DPP6: variants seen among roughly 807,000 people sequenced by gnomAD.
DPP6 encodes dipeptidyl peptidase like 6.
In DPP6, 69 loss-of-function variants were observed where a neutral mutation model predicts 122.6. The observed-to-expected ratio is 0.56, with a 90% confidence interval of 0.46 to 0.69. The LOEUF (loss-of-function observed/expected upper bound fraction) is 0.69. Ranked by LOEUF, DPP6 falls within the 30% of genes least tolerant of loss-of-function variation. The probability of loss-of-function intolerance (pLI) is 0.00; values close to 1 mark genes in which losing one functional copy is unlikely to be tolerated. For missense variants in DPP6, 928 were observed against 1,116.9 expected, an observed-to-expected ratio of 0.83 and a Z score of 2.41; for synonymous variants, 418 against 433.1, an observed-to-expected ratio of 0.97 and a Z score of 0.43.
chr7:153,907,017 C>T (rs1334536834), intron 1 of DPP6, among the ~76,000 whole-genome samples: 4 of 152,074 alleles, frequency 2.6e-5, no homozygotes, highest in Non-Finnish European at 5.9e-5. Context: ...GCATAGATAC[C>T]CAGTAGTGTT....
chr7:154,847,125 G>T (rs1040927639), intron 16 of DPP6, among the ~76,000 whole-genome samples: 4 of 152,170 alleles, frequency 2.6e-5, no homozygotes, highest in African/African-American at 9.7e-5. Flanking sequence ...CAGGTCATAC[G>T]CATGAGCATC....
At position 154,583,673 on chromosome 7, in the gene DPP6, G is replaced by A. The variant is rs774485111; in HGVS notation, c.627+16757G>A. Among the ~76,000 whole-genome samples the A allele has an allele frequency of 3.3e-5, 5 of 152,166 alleles. No individual in the cohort carries two copies. In the East Asian group the frequency reaches 5.8e-4, roughly 18 times the overall value. On this transcript the variant is annotated intron_variant, in intron 5 of 25. Transcript: ENST00000377770. ...CACCCTGATCAGTCAGAAGCCTCGC[G>A]TGGAGGAGATCTGCATATGATTCGT...
At chr7:154,380,136 A>T (rs959699725) in intron 1 of DPP6, among the ~76,000 whole-genome samples, 3 of 152,332 alleles carry the variant, frequency 2.0e-5, no homozygotes, top group East Asian at 1.9e-4. Flanking sequence ...TTCATTGATT[A>T]AAAAAATAGA....
chr7:153,759,673 T>C, the DPP6 span, among the ~76,000 whole-genome samples: 3 of 151,998 alleles, frequency 2.0e-5, no homozygotes, highest in African/African-American at 7.2e-5. Context: ...GATAACCATA[T>C]GTGAAAAAAA....
chr7:154,350,994 T>C (rs1339012500), intron 1 of DPP6, among the ~76,000 whole-genome samples: 1 of 152,132 alleles, frequency 6.6e-6, no homozygotes, highest in Non-Finnish European at 1.5e-5. Context: ...AGTGGGCCCA[T>C]TGGACTGTAG....
In DPP6 at chr7:154,443,626, A is replaced by G. The variant is rs1242704180; in HGVS notation, c.244-2588A>G. Reference sequence around the variant, plus strand: ...GGTGAATGGATGGATGGATATGTCGATGAATGTGGATGGATGGATGGATGT... The same window carrying G: ...GGTGAATGGATGGATGGATATGTCGGTGAATGTGGATGGATGGATGGATGT... On this transcript the variant is annotated intron_variant, in intron 1 of 25. Transcript: ENST00000377770. Among the ~76,000 whole-genome samples the G allele has an allele frequency of 3.2e-5, 4 of 124,068 alleles. 1 individual carries two copies. The highest frequency in any genetic ancestry group is 1.5e-4 in the African/African-American group (4 of 25,944). 81.4% of individuals were successfully genotyped at this position (124,068 alleles called of 152,430 possible).
At chr7:154,045,285 T>C (rs1199905146) in intron 1 of DPP6, among the ~76,000 whole-genome samples, 2 of 152,204 alleles carry the variant, frequency 1.3e-5, no homozygotes, top group Non-Finnish European at 2.9e-5. Flanking sequence ...GGAGAATCCT[T>C]GTCCAATCCT....
At chr7:153,904,666 A>G (rs760067965) in intron 1 of DPP6, among the ~76,000 whole-genome samples, 3 of 152,228 alleles carry the variant, frequency 2.0e-5, no homozygotes, top group Non-Finnish European at 4.4e-5. Context: ...GAGACACCTC[A>G]GTGAATAAAA....
chr7:154,425,598 A>G (rs1334651757), intron 1 of DPP6, among the ~76,000 whole-genome samples: 2 of 9,394 alleles, frequency 2.1e-4, no homozygotes, highest in Non-Finnish European at 5.8e-4. Flanking sequence ...TAGTTTGGGG[A>G]AAAAAATGTG....
At chr7:154,204,966 G>C (rs531344745) in intron 1 of DPP6, among the ~76,000 whole-genome samples, 4 of 152,104 alleles carry the variant, frequency 2.6e-5, no homozygotes, top group Non-Finnish European at 4.4e-5. Flanking sequence ...TGTCACAGGC[G>C]TTAGATGACA....
At chr7:153,808,265 CTG>C in the DPP6 span, among the ~76,000 whole-genome samples, 3 of 145,822 alleles carry the variant, frequency 2.1e-5, no homozygotes, top group East Asian at 2.0e-4. Flanking sequence ...GCGTGTGTGC[CTG>C]TGTGTGCGCA....
chr7:153,937,212 G>T (rs567091372), intron 1 of DPP6, among the ~76,000 whole-genome samples: 1 of 152,276 alleles, frequency 6.6e-6, no homozygotes, highest in African/African-American at 2.4e-5. Flanking sequence ...AGAAAGCCCT[G>T]TGGGCCTCCA....
At chr7:154,053,227 G>A (rs1800529552) in intron 1 of DPP6, among the ~76,000 whole-genome samples, 164 bp downstream of exon 1, 1 of 60 alleles carries the variant, frequency 0.017, no homozygotes. Flanking sequence ...GCCAGATCGC[G>A]GTCACCGCGT....
chr7:154,305,570 G>T (rs1806263073), intron 1 of DPP6: 2 of 1,588,960 alleles, frequency 1.3e-6, no homozygotes, highest in Non-Finnish European at 1.7e-6. Flanking sequence ...GCTTTTGGGG[G>T]TCCGTGTGTG....
At chr7:153,919,294 C>A (rs1196870015) in intron 1 of DPP6, among the ~76,000 whole-genome samples, 1 of 152,112 alleles carries the variant, frequency 6.6e-6, no homozygotes, top group East Asian at 1.9e-4. Flanking sequence ...TATGCCTTTC[C>A]CCTAGCAAAC....
At chr7:154,646,578 C>T (rs181345774) in intron 6 of DPP6, among the ~76,000 whole-genome samples, 144 of 152,228 alleles carry the variant, frequency 9.5e-4, no homozygotes, top group African/African-American at 3.1e-3. Flanking sequence ...TAGAATTTAT[C>T]GTTTTGTTAG....
chr7:154,375,034 G>A (rs907884028), intron 1 of DPP6, among the ~76,000 whole-genome samples: 1 of 152,216 alleles, frequency 6.6e-6, no homozygotes, highest in Non-Finnish European at 1.5e-5. Context: ...GGGACTTAAT[G>A]AGAGCACATG....
rs1164346160 is a variant in DPP6, at chr7:154,304,442, T to C, written c.244-141772T>C. On this transcript the variant is annotated intron_variant, in intron 1 of 25. Coordinates refer to ENST00000377770, the MANE Select transcript of DPP6 (RefSeq NM_130797.4). ...CCTGGGTCAGGACACGACAGCAGCC[T>C]CTGGCCTCAGGCAGGGAGTGCTGGA... 2.0e-5 allele frequency among the ~76,000 whole-genome samples: 3 copies of C among 152,202 alleles called. No homozygotes were observed. The East Asian group carries it at 5.8e-4, about 29-fold the overall frequency.
intron 8 of DPP6, among the ~76,000 whole-genome samples, chr7:154,766,153 C>T (rs1274929263): frequency 6.6e-6 from 1 of 152,096 alleles, no homozygotes; most frequent in Non-Finnish European, 1.5e-5. Flanking sequence ...CTAAAGCTGC[C>T]CTAGTTTTGT....
Sources: allele counts gnomAD v4.1 joint callset (sites outside exome capture counted in the v4.1 genomes callset), GRCh38; gene constraint gnomAD v4.1.1; transcripts MANE v1.5; gene names NCBI Gene and HGNC (gene_info 2026-07-23, HGNC 2026-07-21).